NT5DC1: variants seen among roughly 807,000 people sequenced by gnomAD.
NT5DC1 encodes the protein 5'-nucleotidase domain-containing protein 1.
Under a neutral mutation model 59.4 loss-of-function variants are expected in NT5DC1, and 42 were observed. The observed-to-expected ratio is 0.71, with a 90% CI of 0.55 to 0.92. The LOEUF (loss-of-function observed/expected upper bound fraction) is 0.92, where lower values mean the gene tolerates loss of function less well. Ranked by LOEUF, NT5DC1 falls within the 40% of genes least tolerant of loss-of-function variation. NT5DC1 has a pLI of 0.00. For missense variants in NT5DC1, 501 were observed against 537.1 expected, an observed-to-expected ratio of 0.93 and a Z score of 0.66; for synonymous variants, 172 against 188.1, an observed-to-expected ratio of 0.91 and a Z score of 0.70.
At position 116,107,992 on chromosome 6, in the gene NT5DC1, G is replaced by A. The variant is rs950379852; in HGVS notation, c.186-372G>A. On this transcript the variant is annotated intron_variant, in intron 2 of 11. Coordinates refer to ENST00000319550, the MANE Select transcript of NT5DC1 (RefSeq NM_152729.3). The stretch of plus-strand genomic sequence containing the variant: ...AGTGCTTAACTTGTAGAATATAAAT[G>A]TGTGTGTGTGTGTGTGTATGTGTGT... Among the ~76,000 whole-genome samples, 299 of 132,952 alleles carry A rather than the reference G, an allele frequency of 2.2e-3. 4 individuals are homozygous for A. Among genetic ancestry groups the A allele is most frequent in the African/African-American group, 9.4e-3 (285 of 30,262 alleles). 87.2% of individuals were successfully genotyped at this position (132,952 alleles called of 152,430 possible).
At chr6:116,159,552 G>T (rs1780281599) in intron 6 of NT5DC1, among the ~76,000 whole-genome samples, 1 of 152,192 alleles carries the variant, frequency 6.6e-6, no homozygotes, top group South Asian at 2.1e-4. Context: ...CAAACTTGCT[G>T]AATCTGTATG....
At chr6:116,242,409 G>C (rs1010498995) in intron 11 of NT5DC1, among the ~76,000 whole-genome samples, 2 of 151,408 alleles carry the variant, frequency 1.3e-5, no homozygotes, top group Non-Finnish European at 1.5e-5. Flanking sequence ...ATATATCTGA[G>C]ACATAAGGAT....
rs192640096 is a variant in NT5DC1 at position 116,105,719 on chromosome 6, T to A, written c.94-525T>A. Among the ~76,000 whole-genome samples the A allele has an allele frequency of 1.1e-3, 170 of 152,064 alleles. 1 individual carries two copies. Among genetic ancestry groups the A allele is most frequent in the African/African-American group, 4.0e-3 (166 of 41,452 alleles). ...CCAGAGGCTTTCTTTGTCCTTTGTC[T>A]TTAGATTTTTTTTTTTTAATGGTTT... On this transcript the variant is annotated intron_variant, in intron 1 of 11. Transcript: ENST00000319550.
At chr6:116,199,717 A>G (rs1781306866) in intron 6 of NT5DC1, among the ~76,000 whole-genome samples, 1 of 152,054 alleles carries the variant, frequency 6.6e-6, no homozygotes, top group Admixed American at 6.6e-5. Flanking sequence ...ACAGGAATTA[A>G]AGGATAGAGC....
chr6:116,196,695 A>G (rs1781234587), intron 6 of NT5DC1, among the ~76,000 whole-genome samples: 1 of 151,986 alleles, frequency 6.6e-6, no homozygotes, highest in Non-Finnish European at 1.5e-5. Flanking sequence ...GCATTTCACC[A>G]GCATTGCTGA....
chr6:116,121,666 A>T (rs762633375), intron 6 of NT5DC1: 1 of 1,613,644 alleles, frequency 6.2e-7, no homozygotes, highest in Non-Finnish European at 8.5e-7. Flanking sequence ...CAGAAATTCC[A>T]GCCGGTCCAG....
chr6:116,126,460 T>C lies in NT5DC1; in HGVS notation c.529+8515T>C, dbSNP rs181436389. On this transcript the variant is annotated intron_variant, in intron 6 of 11. Transcript: ENST00000319550. ...TTTATTTTTGAAAAGCACATTCTTATGTTAATTGGTTGATATTATATAATA... is the reference window on the plus strand; with the variant it reads ...TTTATTTTTGAAAAGCACATTCTTACGTTAATTGGTTGATATTATATAATA... Among the ~76,000 whole-genome samples the C allele has an allele frequency of 4.6e-5, 7 of 152,296 alleles. No homozygotes were observed. In the East Asian group the frequency reaches 9.6e-4, roughly 21 times the overall value.
rs989157540 is a variant in NT5DC1 at position 116,246,402 on chromosome 6, T to C, written c.*2378T>C. ...AATCTAAAATCAACTTCTGAGTTTG[T>C]TAAACTCTAAACTGAAATCAAGTAT... On this transcript the variant is annotated 3_prime_UTR_variant, in exon 12 of 12. Coordinates refer to ENST00000319550, the MANE Select transcript of NT5DC1 (RefSeq NM_152729.3). 1.3e-5 allele frequency: 2 copies of C among 151,874 alleles called. No individual in the cohort carries two copies. The highest frequency in any genetic ancestry group is 1.5e-5 in the Non-Finnish European group (1 of 67,926). The allele number at this position is 151,874 out of a possible 1,614,324, so 9.4% of individuals were successfully genotyped here. A position where few individuals can be genotyped will look rare whatever the true frequency, so the allele number is the denominator to read the frequency against.
At chr6:116,190,805 T>G (rs1376632827) in intron 6 of NT5DC1, among the ~76,000 whole-genome samples, 1 of 152,066 alleles carries the variant, frequency 6.6e-6, no homozygotes, top group Non-Finnish European at 1.5e-5. Flanking sequence ...GTGACAGGTC[T>G]GCTGGATTTC....
Position 116,166,052 on chromosome 6 carries a change from T to C in NT5DC1, c.529+48107T>C, listed in dbSNP as rs148820969. ...ACAGCATTGCCTGGGGTCATGAAGGTAGAAAGGCTCCCTGACAATTTGGCA... is the reference window on the plus strand; with the variant it reads ...ACAGCATTGCCTGGGGTCATGAAGGCAGAAAGGCTCCCTGACAATTTGGCA... On this transcript the variant is annotated intron_variant, in intron 6 of 11. Transcript: ENST00000319550. Among the ~76,000 whole-genome samples the C allele has an allele frequency of 8.7e-3, 1,322 of 152,086 alleles. 20 individuals carry two copies. Among genetic ancestry groups the C allele is most frequent in the African/African-American group, 0.028 (1,171 of 41,486 alleles).
chr6:116,116,495 A>C (rs1310007924), intron 5 of NT5DC1, among the ~76,000 whole-genome samples: 1 of 152,172 alleles, frequency 6.6e-6, no homozygotes, highest in African/African-American at 2.4e-5. Context: ...TACAAAAATT[A>C]GCTGGGTGTG....
intron 6 of NT5DC1, among the ~76,000 whole-genome samples, chr6:116,142,307 A>C (rs915079356): frequency 6.6e-6 from 1 of 151,912 alleles, no homozygotes; most frequent in African/African-American, 2.4e-5. Context: ...TTTATTTGGC[A>C]TATACTTAGG....
chr6:116,109,132 C>T (rs1778817018), intron 3 of NT5DC1, among the ~76,000 whole-genome samples: 2 of 152,174 alleles, frequency 1.3e-5, no homozygotes, highest in Admixed American at 1.3e-4. Flanking sequence ...ACTAATAGTA[C>T]AGGCAAGTCA....
chr6:116,162,523 T>C (rs566519038), intron 6 of NT5DC1, among the ~76,000 whole-genome samples: 1 of 152,346 alleles, frequency 6.6e-6, no homozygotes, highest in South Asian at 2.1e-4. Context: ...TTCTGCATAT[T>C]GAGATGATCA....
chr6:116,232,688 TTA>T (rs1782040879), intron 8 of NT5DC1, among the ~76,000 whole-genome samples: 1 of 152,180 alleles, frequency 6.6e-6, no homozygotes, highest in African/African-American at 2.4e-5. Context: ...TTGCTTAGCT[TTA>T]TTCAAGGCTG....
intron 1 of NT5DC1, among the ~76,000 whole-genome samples, chr6:116,105,724 A>ATT (rs34804597): frequency 2.0e-5 from 3 of 146,386 alleles, no homozygotes; most frequent in Non-Finnish European, 3.0e-5. Flanking sequence ...TTGTCTTTAG[A>ATT]TTTTTTTTTT....
At position 116,106,247 on chromosome 6, in the gene NT5DC1, A is replaced by G; in HGVS notation, c.97A>G (p.Ile33Val). The G allele has an allele frequency of 6.6e-7, 1 of 1,506,968 alleles. No homozygotes were observed. Among genetic ancestry groups the G allele is most frequent in the South Asian group, 1.1e-5 (1 of 88,776 alleles). The allele number at this position is 1,506,968 out of a possible 1,614,324, so 93.3% of individuals were successfully genotyped here. A position where few individuals can be genotyped will look rare whatever the true frequency, so the allele number is the denominator to read the frequency against. ...RYNLPESAPL[I>V]YNSFAQFLVK... ...TTTTTCTTCCCCTTATTTGCAGCTCATTTATAATAGCTTTGCCCAGTTCCT... is the reference window on the plus strand; with the variant it reads ...TTTTTCTTCCCCTTATTTGCAGCTCGTTTATAATAGCTTTGCCCAGTTCCT... Residue 33 changes from isoleucine (I) to valine (V), a missense_variant, in exon 2 of 12, where the codon ATT becomes GTT. By Grantham distance (29) the Ile-to-Val change is conservative. Coordinates refer to ENST00000319550, the MANE Select transcript of NT5DC1 (RefSeq NM_152729.3).
At chr6:116,195,757 A>AAT (rs1292620998) in intron 6 of NT5DC1, among the ~76,000 whole-genome samples, 1 of 152,080 alleles carries the variant, frequency 6.6e-6, no homozygotes, top group Non-Finnish European at 1.5e-5. Context: ...TTAGATCAAC[A>AAT]ATAGCAACTA....
chr6:116,175,951 GCTT>G (rs1162620646), intron 6 of NT5DC1, among the ~76,000 whole-genome samples: 2 of 152,010 alleles, frequency 1.3e-5, no homozygotes, highest in African/African-American at 2.4e-5. Flanking sequence ...TTGTTTGGGG[GCTT>G]CTTGTTTGTT....
Sources: allele counts gnomAD v4.1 joint callset (sites outside exome capture counted in the v4.1 genomes callset), GRCh38; gene constraint gnomAD v4.1.1; transcripts MANE v1.5; gene names NCBI Gene and HGNC (gene_info 2026-07-23, HGNC 2026-07-21).